Variants in GAS2 observed in about 807,000 individuals in gnomAD.
GAS2 encodes the protein growth arrest specific 2.
GAS2 carries 20 observed loss-of-function variants against 37.5 expected under a neutral mutation model. The ratio of observed to expected loss-of-function variants is 0.53; its 90% CI spans 0.37 to 0.77. The LOEUF (loss-of-function observed/expected upper bound fraction) is 0.77. GAS2 is among the 30% of genes least tolerant of loss of function. The pLI, the probability that GAS2 is intolerant of heterozygous loss-of-function variation, is 0.00. For missense variants in GAS2, 336 were observed against 373.4 expected (o/e 0.90, Z 0.82); for synonymous variants, 144 against 132.2 (o/e 1.09, Z -0.61).
At chr11:22,641,167 C>G (rs768858329) in intron 1 of GAS2, among the ~76,000 whole-genome samples, 17 of 146,974 alleles carry the variant, frequency 1.2e-4, no homozygotes, top group Non-Finnish European at 2.1e-4. Flanking sequence ...TTCCCCTGGT[C>G]TCTGCTAAGG....
chr11:22,706,138 T>C (rs1419580234), intron 3 of GAS2, among the ~76,000 whole-genome samples: 1 of 152,126 alleles, frequency 6.6e-6, no homozygotes, highest in African/African-American at 2.4e-5. Context: ...CATTGAACTA[T>C]TAACATTTTA....
At chr11:22,773,171 T>C (rs1301180248) in intron 7 of GAS2, among the ~76,000 whole-genome samples, 2 of 152,138 alleles carry the variant, frequency 1.3e-5, no homozygotes, top group African/African-American at 4.8e-5. Context: ...CTTCTGTCTG[T>C]GGTCGCGGTT....
chr11:22,666,736 A>G lies in GAS2; in HGVS notation c.-184A>G, dbSNP rs1258580859. The G allele has an allele frequency of 2.6e-5, 4 of 152,444 alleles. No individual in the cohort carries two copies. Among genetic ancestry groups the G allele is most frequent in the Admixed American group, 2.6e-4 (4 of 15,294 alleles). 9.4% of individuals were successfully genotyped at this position (152,444 alleles called of 1,614,324 possible). A position where few individuals can be genotyped will look rare whatever the true frequency, so the allele number is the denominator to read the frequency against. On this transcript the variant is annotated 5_prime_UTR_variant, in exon 1 of 8. Coordinates refer to ENST00000454584, the MANE Select transcript of GAS2 (RefSeq NM_001143830.3). The stretch of plus-strand genomic sequence containing the variant: ...CCATCAGAGAAGTATGAAGAGGGGT[A>G]GTGCGGCTGTAGCTGCTGCCGCTGC...
At chr11:22,634,194 G>C (rs1353198947) in intron 1 of GAS2, among the ~76,000 whole-genome samples, 1 of 152,154 alleles carries the variant, frequency 6.6e-6, no homozygotes, top group East Asian at 1.9e-4. Context: ...AGAGCCAAGT[G>C]AAAGGGGTTT....
chr11:22,688,129 G>A (rs1048462833), intron 3 of GAS2, among the ~76,000 whole-genome samples: 2 of 152,136 alleles, frequency 1.3e-5, no homozygotes, highest in Non-Finnish European at 2.9e-5. Context: ...AGTGCATTTT[G>A]CTTGGGTTCT....
chr11:22,650,803 T>C (rs1254966639), intron 1 of GAS2, among the ~76,000 whole-genome samples: 1 of 152,184 alleles, frequency 6.6e-6, no homozygotes, highest in African/African-American at 2.4e-5. Flanking sequence ...ATTTTGAGCC[T>C]ATGTGTGTCT....
At chr11:22,809,403 T>C (rs1203033848) in intron 7 of GAS2, among the ~76,000 whole-genome samples, 4 of 152,186 alleles carry the variant, frequency 2.6e-5, no homozygotes, top group Non-Finnish European at 5.9e-5. Context: ...AAGGTCAGTT[T>C]GCTGAGGAAG....
rs937055031 is a variant in GAS2 at position 22,743,682 on chromosome 11, T to G, written c.474-5438T>G. On this transcript the variant is annotated intron_variant, in intron 5 of 7. Transcript: ENST00000454584. ...TCATTTCTACTTTTCTGATGGAAAA[T>G]AGACTCATCGAAGTTAAGTGATTTG... is the stretch of plus-strand genomic sequence containing the variant. 9.2e-5 allele frequency among the ~76,000 whole-genome samples: 14 copies of G among 152,106 alleles called. No individual in the cohort carries two copies. In the South Asian group the frequency reaches 1.0e-3, roughly 11 times the overall value.
At chr11:22,793,041 A>G (rs1856246302) in intron 7 of GAS2, among the ~76,000 whole-genome samples, 1 of 152,220 alleles carries the variant, frequency 6.6e-6, no homozygotes, top group Non-Finnish European at 1.5e-5. Flanking sequence ...TGAGAGGCCA[A>G]GGTGGGTGGA....
chr11:22,700,485 A>G (rs895653750), intron 3 of GAS2, among the ~76,000 whole-genome samples: 1 of 152,202 alleles, frequency 6.6e-6, no homozygotes, highest in African/African-American at 2.4e-5. Flanking sequence ...GTCTAGGGAA[A>G]CAATAAGGAT....
chr11:22,732,188 T>C (rs895001380), intron 4 of GAS2, among the ~76,000 whole-genome samples: 2 of 151,738 alleles, frequency 1.3e-5, no homozygotes, highest in Admixed American at 6.6e-5. Context: ...GGAAAAAATA[T>C]ATACCAACTT....
chr11:22,707,624 A>C (rs574388096), intron 3 of GAS2, among the ~76,000 whole-genome samples: 1 of 152,294 alleles, frequency 6.6e-6, no homozygotes, highest in Non-Finnish European at 1.5e-5. Context: ...AATTGTCCAA[A>C]CATGGTGCAA....
intron 1 of GAS2, among the ~76,000 whole-genome samples, chr11:22,652,310 A>G (rs1041684849): frequency 5.9e-5 from 9 of 152,150 alleles, no homozygotes; most frequent in Admixed American, 5.9e-4. Flanking sequence ...TGGGAAAACC[A>G]CTGCTCTCTT....
intron 7 of GAS2, among the ~76,000 whole-genome samples, chr11:22,806,368 C>T (rs559030550): frequency 2.2e-4 from 34 of 152,232 alleles, no homozygotes; most frequent in East Asian, 1.7e-3. Flanking sequence ...TGTAGGTTGA[C>T]GCCATATCTT....
chr11:22,678,072 T>C (rs1274788294), intron 2 of GAS2, among the ~76,000 whole-genome samples: 2 of 152,138 alleles, frequency 1.3e-5, no homozygotes, highest in Non-Finnish European at 2.9e-5. Context: ...CCTAAAAGAA[T>C]CTCAAGATAC....
chr11:22,633,821 A>G (rs950151277), intron 1 of GAS2, among the ~76,000 whole-genome samples: 2 of 152,178 alleles, frequency 1.3e-5, no homozygotes, highest in Non-Finnish European at 2.9e-5. Context: ...TTCTGTAGGA[A>G]TGGTGATGTT....
At chr11:22,710,473 A>G (rs922852451) in intron 3 of GAS2, among the ~76,000 whole-genome samples, 7 of 143,358 alleles carry the variant, frequency 4.9e-5, no homozygotes, top group Non-Finnish European at 9.1e-5. Context: ...ATATATATAT[A>G]TGTGTGTAGA....
In GAS2 at chr11:22,749,208, CCTT is replaced by C. The variant is rs1417072540; in HGVS notation, c.564_566del (p.Ser190del). On this transcript the variant is annotated inframe_deletion, in exon 6 of 8. Transcript: ENST00000454584. ...TTCTGCCCCTTCTCCTTCACCTTCTCCTTCATCAAAGTCTTCTGGAAAAAAGAG... is the reference window on the plus strand; with the variant it reads ...TTCTGCCCCTTCTCCTTCACCTTCTCCATCAAAGTCTTCTGGAAAAAAGAG... 1.9e-6 allele frequency: 3 copies of C among 1,612,524 alleles called. No homozygotes were observed. The highest frequency in any genetic ancestry group is 4.5e-5 in the East Asian group (2 of 44,798).
intron 3 of GAS2, among the ~76,000 whole-genome samples, chr11:22,711,818 A>G (rs1001187206): frequency 3.9e-5 from 6 of 152,072 alleles, no homozygotes; most frequent in African/African-American, 1.4e-4. Flanking sequence ...CCTGAAAGCC[A>G]CCCCAAAAAC....
Sources: allele counts gnomAD v4.1 joint callset (sites outside exome capture counted in the v4.1 genomes callset), GRCh38; gene constraint gnomAD v4.1.1; transcripts MANE v1.5; gene names NCBI Gene and HGNC (gene_info 2026-07-23, HGNC 2026-07-21).